Variants in PRDM6 observed in about 807,000 individuals in gnomAD.
PRDM6 encodes putative histone-lysine N-methyltransferase PRDM6.
Under a neutral mutation model 60.8 loss-of-function variants are expected in PRDM6, and 25 were observed. The ratio of observed to expected loss-of-function variants is 0.41; its 90% confidence interval spans 0.30 to 0.57. PRDM6 has a LOEUF of 0.57. Ranked by LOEUF, PRDM6 falls within the 20% of genes least tolerant of loss-of-function variation. The pLI, the probability that PRDM6 is intolerant of heterozygous loss-of-function variation, is 0.27. For synonymous variants in PRDM6, 407 were observed against 357.4 expected, an observed-to-expected ratio of 1.14 and a Z score of -1.57; for missense variants, 839 against 821.3, an observed-to-expected ratio of 1.02 and a Z score of -0.26.
At chr5:123,122,022 G>T (rs1764592206) in intron 3 of PRDM6, among the ~76,000 whole-genome samples, 1 of 151,518 alleles carries the variant, frequency 6.6e-6, no homozygotes, top group East Asian at 1.9e-4. Context: ...CATTAGCTGG[G>T]CGTGGTGGCG....
At chr5:123,144,285 C>T (rs1765187179) in intron 3 of PRDM6, among the ~76,000 whole-genome samples, 1 of 152,218 alleles carries the variant, frequency 6.6e-6, no homozygotes, top group African/African-American at 2.4e-5. Flanking sequence ...TGGGAATGGC[C>T]AGCTGCTCTC....
intron 7 of PRDM6, among the ~76,000 whole-genome samples, chr5:123,181,648 T>G (rs1336016349): frequency 1.3e-5 from 2 of 152,182 alleles, no homozygotes; most frequent in African/African-American, 4.8e-5. Context: ...CTTATGTACC[T>G]TCTGTAGGAC....
At chr5:123,140,136 G>A (rs747945455) in intron 3 of PRDM6, among the ~76,000 whole-genome samples, 25 of 151,766 alleles carry the variant, frequency 1.6e-4, no homozygotes, top group Non-Finnish European at 2.4e-4. Flanking sequence ...CATAATTACC[G>A]CGGCTTATGA....
Position 123,090,390 on chromosome 5 carries a change from G to A in PRDM6, c.376G>A (p.Ala126Thr). ...GGTGTTCGCGCCTCTAGCCGCCGCT[G>A]CCGTCGCCGCCGAGCCGCTGCCCCC... is the stretch of plus-strand genomic sequence containing the variant. ...LPVFAPLAAA[A>T]VAAEPLPPKE... is the part of the protein sequence containing the mutation. The change falls in exon 2 of 8, where the codon GCC becomes ACC. Residue 126 changes from alanine (A) to threonine (T), a missense_variant. Coordinates refer to ENST00000407847, the MANE Select transcript of PRDM6 (RefSeq NM_001136239.4). 2 of 1,461,380 alleles carry A rather than the reference G, an allele frequency of 1.4e-6. No individual in the cohort carries two copies. The highest frequency in any genetic ancestry group is 1.3e-5 in the South Asian group (1 of 75,610). The allele number at this position is 1,461,380 out of a possible 1,614,324, so 90.5% of individuals were successfully genotyped here.
In PRDM6 at chr5:123,189,124, G is replaced by C. The variant is rs1273038630; in HGVS notation, c.*1923G>C. On this transcript the variant is annotated 3_prime_UTR_variant, in exon 8 of 8. Transcript: ENST00000407847. ...TGAAACTATTCTCTCTGGTAGTTAGGAATGTGTTCTGATTTTACAATTCCC... is the reference window on the plus strand; with the variant it reads ...TGAAACTATTCTCTCTGGTAGTTAGCAATGTGTTCTGATTTTACAATTCCC... 1 of 152,124 alleles carries C rather than the reference G, an allele frequency of 6.6e-6. No homozygotes were observed. The highest frequency in any genetic ancestry group is 1.5e-5 in the Non-Finnish European group (1 of 68,024). The allele number at this position is 152,124 out of a possible 1,614,324, so 9.4% of individuals were successfully genotyped here.
At chr5:123,180,643 T>A (rs982543223) in intron 7 of PRDM6, among the ~76,000 whole-genome samples, 1 of 152,186 alleles carries the variant, frequency 6.6e-6, no homozygotes, top group Non-Finnish European at 1.5e-5. Context: ...GATCTGTGCT[T>A]CTGGAATTTT....
At chr5:123,158,851 G>A (rs1275567867) in intron 4 of PRDM6, among the ~76,000 whole-genome samples, 1 of 151,626 alleles carries the variant, frequency 6.6e-6, no homozygotes, top group Admixed American at 6.6e-5. Context: ...TTTTTTTACA[G>A]TACCAAAGCT....
chr5:123,111,381 G>T (rs1458845312), intron 3 of PRDM6, among the ~76,000 whole-genome samples: 1 of 152,192 alleles, frequency 6.6e-6, no homozygotes, highest in East Asian at 1.9e-4. Context: ...AAATGTCCCA[G>T]GCAGTCCTGA....
intron 6 of PRDM6, among the ~76,000 whole-genome samples, chr5:123,175,226 A>G (rs73799836): frequency 0.079 from 12,028 of 152,232 alleles, 506 homozygotes; most frequent in Non-Finnish European, 0.088. Context: ...GTGTCTTTAT[A>G]ATGCTTATTT....
At chr5:123,131,865 T>A (rs1764841457) in intron 3 of PRDM6, among the ~76,000 whole-genome samples, 1 of 152,208 alleles carries the variant, frequency 6.6e-6, no homozygotes, top group African/African-American at 2.4e-5. Context: ...TTTCTAGGAC[T>A]ACCTAGGGTT....
At chr5:123,141,541 A>G (rs1250298780) in intron 3 of PRDM6, among the ~76,000 whole-genome samples, 1 of 152,056 alleles carries the variant, frequency 6.6e-6, no homozygotes, top group Non-Finnish European at 1.5e-5. Context: ...CTTACTCTAT[A>G]GAGTTATTAT....
intron 3 of PRDM6, among the ~76,000 whole-genome samples, chr5:123,119,667 C>A (rs1490380243): frequency 6.6e-6 from 1 of 152,172 alleles, no homozygotes; most frequent in Non-Finnish European, 1.5e-5. Flanking sequence ...TGCTTCAGAC[C>A]CTAAGCTGAT....
intron 3 of PRDM6, among the ~76,000 whole-genome samples, chr5:123,134,933 C>T (rs1764921358): frequency 6.6e-6 from 1 of 151,548 alleles, no homozygotes; most frequent in African/African-American, 2.4e-5. Context: ...CATTCAGCCT[C>T]CACAGGCAAT....
Position 123,090,512 on chromosome 5 carries a change from C to T in PRDM6, c.498C>T (p.Phe166=). 5 of 1,492,732 alleles carry T rather than the reference C, an allele frequency of 3.3e-6. No individual in the cohort carries two copies. Among genetic ancestry groups the T allele is most frequent in the Non-Finnish European group, 4.4e-6 (5 of 1,129,966 alleles). 92.5% of individuals were successfully genotyped at this position (1,492,732 alleles called of 1,614,324 possible). The change falls in exon 2 of 8, where the codon TTC becomes TTT. Residue 166 remains phenylalanine, a synonymous_variant. Coordinates refer to ENST00000407847, the MANE Select transcript of PRDM6 (RefSeq NM_001136239.4). The stretch of plus-strand genomic sequence containing the variant: ...GGGAGGGTCGCGGCGCCCCGCGCTT[C>T]CGCTGCAGCGCAGAGGAGCTGGACT... The part of the protein sequence containing the change: ...GGGEGRGAPR[F]RCSAEELDYY...
chr5:123,159,516 C>T lies in PRDM6; in HGVS notation c.1031C>T (p.Ser344Leu), dbSNP rs1333586171. 46 of 1,550,928 alleles carry T rather than the reference C, an allele frequency of 3.0e-5. No individual in the cohort carries two copies. In the East Asian group the frequency reaches 5.1e-4, roughly 17 times the overall value. ...EQNLTVVQYR[S>L]NIFYRACIDI... The stretch of plus-strand genomic sequence containing the variant: ...GGGTTTTCTTTTGTTTTGAATAGGT[C>T]GAATATATTCTACCGAGCCTGTATA... Residue 344 changes from serine to leucine, a missense_variant and splice_region_variant, in exon 5 of 8, where the codon TCG (serine) becomes TTG (leucine). This residue lies in a region of PRDM6 where 730 missense variants were observed against 648.8 expected (regional missense o/e 1.13). Transcript: ENST00000407847.
chr5:123,123,110 C>G (rs1164938703), intron 3 of PRDM6, among the ~76,000 whole-genome samples: 2 of 152,122 alleles, frequency 1.3e-5, no homozygotes, highest in South Asian at 2.1e-4. Flanking sequence ...CTAATTTACC[C>G]TCAGAAAGGT....
At chr5:123,181,774 T>C (rs998829343) in intron 7 of PRDM6, among the ~76,000 whole-genome samples, 3 of 152,164 alleles carry the variant, frequency 2.0e-5, no homozygotes, top group Non-Finnish European at 4.4e-5. Flanking sequence ...CCAGACCTGC[T>C]GTCGTGGCGC....
intron 3 of PRDM6, among the ~76,000 whole-genome samples, chr5:123,137,128 A>G (rs1299196205): frequency 6.6e-6 from 1 of 152,214 alleles, no homozygotes; most frequent in African/African-American, 2.4e-5. Flanking sequence ...AGCAGCAGAT[A>G]TGTGTTTGCT....
At chr5:123,111,351 C>G (rs1764306968) in intron 3 of PRDM6, among the ~76,000 whole-genome samples, 1 of 152,158 alleles carries the variant, frequency 6.6e-6, no homozygotes, top group Admixed American at 6.5e-5. Context: ...AATTGGGGGT[C>G]AGGAATCTAC....
Sources: allele counts gnomAD v4.1 joint callset (sites outside exome capture counted in the v4.1 genomes callset), GRCh38; gene constraint gnomAD v4.1.1; regional missense constraint gnomAD v4.1.1; transcripts MANE v1.5; gene names NCBI Gene and HGNC (gene_info 2026-07-23, HGNC 2026-07-21).